ZSWIM5: variants seen among roughly 807,000 people sequenced by gnomAD.
ZSWIM5 encodes zinc finger SWIM domain-containing protein 5.
Under a neutral mutation model 119.6 loss-of-function variants are expected in ZSWIM5, and 55 were observed. That is an observed-to-expected ratio of 0.46 (90% CI 0.37 to 0.58). ZSWIM5 has a LOEUF of 0.58. Ranked by LOEUF, ZSWIM5 falls within the 20% of genes least tolerant of loss-of-function variation. The probability of loss-of-function intolerance (pLI) is 0.00; values close to 1 mark genes in which losing one functional copy is unlikely to be tolerated. For synonymous variants in ZSWIM5, 537 were observed against 606.9 expected, an observed-to-expected ratio of 0.88 and a Z score of 1.69; for missense variants, 1,193 against 1,512.8, an observed-to-expected ratio of 0.79 and a Z score of 3.51.
At chr1:45,186,099 T>C (rs1406500334) in intron 1 of ZSWIM5, among the ~76,000 whole-genome samples, 12 of 151,286 alleles carry the variant, frequency 7.9e-5, no homozygotes, top group African/African-American at 2.9e-4. Flanking sequence ...ATGTCCTTTG[T>C]AGGGACATGG....
In ZSWIM5 at chr1:45,057,528, C is replaced by T. The variant is rs140861767; in HGVS notation, c.1252+1081G>A. On this transcript the variant is annotated intron_variant, in intron 4 of 13. Coordinates refer to ENST00000359600, the MANE Select transcript of ZSWIM5 (RefSeq NM_020883.2). This position sits in a 1 kb window ranked among gnomAD's most constrained non-coding sequence, Gnocchi z 4.7. ...ATTCAGGCCTCAGATGAAACTGACT[C>T]TCCCAAGGCTAACTTCAAGTTCTTA... 1.2e-4 allele frequency among the ~76,000 whole-genome samples: 18 copies of T among 152,308 alleles called. No homozygotes were observed. Among genetic ancestry groups the T allele is most frequent in the African/African-American group, 4.3e-4 (18 of 41,574 alleles).
chr1:45,104,537 TG>T (rs1488860875), intron 1 of ZSWIM5, among the ~76,000 whole-genome samples: 1 of 152,232 alleles, frequency 6.6e-6, no homozygotes, highest in Non-Finnish European at 1.5e-5. Context: ...TGGCCACGCC[TG>T]GGGCCTATAT....
At position 45,206,372 on chromosome 1, in the gene ZSWIM5, C is replaced by T. The variant is rs762388749; in HGVS notation, c.-22G>A. On this transcript the variant is annotated 5_prime_UTR_variant, in exon 1 of 14. Transcript: ENST00000359600. ...CCATTGCTGGGGACTGACTGACTGA[C>T]TGAGGCGGCGGCGGCTGCTCGGGCT... 1.5e-6 allele frequency: 2 copies of T among 1,367,242 alleles called. No homozygotes were observed. The highest frequency in any genetic ancestry group is 1.7e-5 in the South Asian group (1 of 58,982). The allele number at this position is 1,367,242 out of a possible 1,614,324, so 84.7% of individuals were successfully genotyped here.
At chr1:45,035,623 A>G in intron 10 of ZSWIM5, 65 bp downstream of exon 10, 1 of 1,572,588 alleles carries the variant, frequency 6.4e-7, no homozygotes, top group Non-Finnish European at 8.6e-7. Context: ...GAAATAAGCA[A>G]TGAAAAAGAG....
chr1:45,162,647 AGC>A (rs1213623469), intron 1 of ZSWIM5, among the ~76,000 whole-genome samples: 1 of 152,242 alleles, frequency 6.6e-6, no homozygotes, highest in Non-Finnish European at 1.5e-5. Context: ...CAACGATCTT[AGC>A]AAACAGCACA....
chr1:45,206,407 A>G lies in ZSWIM5; in HGVS notation c.-57T>C. ...GGCGGCTGCTCGGGCTGCGGCGGAG[A>G]CCCTGGCCACGGCCACGCGCCCCGC... is the stretch of plus-strand genomic sequence containing the variant. On this transcript the variant is annotated 5_prime_UTR_variant, in exon 1 of 14. Transcript: ENST00000359600. The G allele has an allele frequency of 2.3e-6, 3 of 1,318,416 alleles. No homozygotes were observed. Among genetic ancestry groups the G allele is most frequent in the Non-Finnish European group, 1.9e-6 (2 of 1,036,730 alleles). 81.7% of individuals were successfully genotyped at this position (1,318,416 alleles called of 1,614,324 possible).
rs369508306 is a variant in ZSWIM5, at chr1:45,156,405, T to C, written c.595+49351A>G. ...ATCAGCACCACACAATATACCCATG[T>C]AACAAGTCTACATATGTACCCCTGA... is the stretch of plus-strand genomic sequence containing the variant. On this transcript the variant is annotated intron_variant, in intron 1 of 13. Coordinates refer to ENST00000359600, the MANE Select transcript of ZSWIM5 (RefSeq NM_020883.2). Among the ~76,000 whole-genome samples the C allele has an allele frequency of 8.5e-5, 13 of 152,102 alleles. No individual in the cohort carries two copies. The South Asian group carries it at 2.7e-3, about 32-fold the overall frequency.
intron 8 of ZSWIM5, among the ~76,000 whole-genome samples, chr1:45,036,662 C>T (rs2148992035): frequency 6.6e-6 from 1 of 152,190 alleles, no homozygotes; most frequent in Non-Finnish European, 1.5e-5. Context: ...GCCTAGTCTT[C>T]TGTCTTTCCC....
intron 8 of ZSWIM5, 35 bp from the exon 9 acceptor site, chr1:45,036,334 G>C: frequency 1.9e-6 from 3 of 1,565,178 alleles, no homozygotes; most frequent in South Asian, 1.2e-5. Flanking sequence ...CTTTAGGTTA[G>C]GCTTGGTAGA....
chr1:45,073,249 ATTTTTTTT>A (rs58448888), intron 2 of ZSWIM5, among the ~76,000 whole-genome samples: 5 of 56,052 alleles, frequency 8.9e-5, no homozygotes, highest in African/African-American at 4.0e-4. Flanking sequence ...TTGCTACTGA[ATTTTTTTT>A]TTTTTTTTTT....
In ZSWIM5 at chr1:45,017,288, A is replaced by G. The variant is rs1644859913; in HGVS notation, c.*1166T>C. On this transcript the variant is annotated 3_prime_UTR_variant, in exon 14 of 14. Transcript: ENST00000359600. Reference sequence around the variant, plus strand: ...CTCAGTTACACATATAAAGACACAGATGCATGGATAACAAGCATACACATG... The same window carrying G: ...CTCAGTTACACATATAAAGACACAGGTGCATGGATAACAAGCATACACATG... 1 of 152,388 alleles carries G rather than the reference A, an allele frequency of 6.6e-6. No individual in the cohort carries two copies. Among genetic ancestry groups the G allele is most frequent in the South Asian group, 2.1e-4 (1 of 4,834 alleles). The allele number at this position is 152,388 out of a possible 1,614,324, so 9.4% of individuals were successfully genotyped here. A position where few individuals can be genotyped will look rare whatever the true frequency, so the allele number is the denominator to read the frequency against.
At chr1:45,062,437 T>C (rs574892640) in intron 2 of ZSWIM5, among the ~76,000 whole-genome samples, 1 of 152,222 alleles carries the variant, frequency 6.6e-6, no homozygotes, top group African/African-American at 2.4e-5. Flanking sequence ...TTAACACATA[T>C]GATCTGCCAC....
chr1:45,138,231 C>T (rs376542629), intron 1 of ZSWIM5, among the ~76,000 whole-genome samples: 7 of 151,802 alleles, frequency 4.6e-5, no homozygotes, highest in East Asian at 3.9e-4. Flanking sequence ...AGGCTGGGCA[C>T]GGTGGCTCAC....
At chr1:45,120,861 G>A (rs1310250442) in intron 1 of ZSWIM5, among the ~76,000 whole-genome samples, 1 of 151,842 alleles carries the variant, frequency 6.6e-6, no homozygotes, top group Non-Finnish European at 1.5e-5. Context: ...TTCATCCCCA[G>A]CCCTCCTTTC....
chr1:45,057,449 G>C lies in ZSWIM5; in HGVS notation c.1252+1160C>G, dbSNP rs1645129799. On this transcript the variant is annotated intron_variant, in intron 4 of 13. Transcript: ENST00000359600. This position sits in a 1 kb window ranked among gnomAD's most constrained non-coding sequence, Gnocchi z 4.7. Reference sequence around the variant, plus strand: ...CTTCCTCCCAACTACCTTTGTCCCAGAGGTAAAGCCCAAGTTCACAGCACA... The same window carrying C: ...CTTCCTCCCAACTACCTTTGTCCCACAGGTAAAGCCCAAGTTCACAGCACA... Among the ~76,000 whole-genome samples, 1 of 152,208 alleles carries C rather than the reference G, an allele frequency of 6.6e-6. No homozygotes were observed. Among genetic ancestry groups the C allele is most frequent in the African/African-American group, 2.4e-5 (1 of 41,462 alleles).
At chr1:45,129,153 G>GT (rs869042927) in intron 1 of ZSWIM5, among the ~76,000 whole-genome samples, 3,039 of 70,200 alleles carry the variant, frequency 0.043, 324 homozygotes, top group East Asian at 0.1. Flanking sequence ...CATACATCTT[G>GT]TTTTTTTTTT....
intron 4 of ZSWIM5, among the ~76,000 whole-genome samples, chr1:45,051,972 T>C (rs1312824250): frequency 6.6e-6 from 1 of 151,548 alleles, no homozygotes; most frequent in African/African-American, 2.4e-5. Flanking sequence ...TGATAACTTG[T>C]GATGCCTTAA....
chr1:45,130,920 A>G (rs1430609162), intron 1 of ZSWIM5, among the ~76,000 whole-genome samples: 1 of 152,244 alleles, frequency 6.6e-6, no homozygotes, highest in East Asian at 1.9e-4. Flanking sequence ...AATTGATAAC[A>G]CACAACAGCA....
chr1:45,034,075 G>A (rs915243321), intron 11 of ZSWIM5, among the ~76,000 whole-genome samples: 4 of 152,090 alleles, frequency 2.6e-5, no homozygotes, highest in East Asian at 1.9e-4. Flanking sequence ...GGATGGTCTC[G>A]ATCTCTTGAC....
Sources: gnomAD v4.1 joint callset for allele counts (sites outside exome capture counted in the v4.1 genomes callset) on GRCh38, gnomAD v4.1.1 for gene constraint, Gnocchi (gnomAD v3.1) non-coding constraint, MANE v1.5 for transcripts, NCBI Gene and HGNC (gene_info 2026-07-23, HGNC 2026-07-21) for gene names.